The following AFF3 variants were observed in gnomAD, a reference collection of about 807,000 sequenced individuals.
AFF3 encodes ALF transcription elongation factor 3.
In AFF3, 32 loss-of-function variants were observed where a neutral mutation model predicts 129.7. The ratio of observed to expected loss-of-function variants is 0.25; its 90% confidence interval spans 0.19 to 0.33. The LOEUF is 0.33. Ranked by LOEUF, AFF3 falls within the 10% of genes least tolerant of loss-of-function variation. The pLI, the probability that AFF3 is intolerant of heterozygous loss-of-function variation, is 1.00. For missense variants in AFF3, 1,373 were observed against 1,592.0 expected, an observed-to-expected ratio of 0.86 and a Z score of 2.34; for synonymous variants, 644 against 635.4, an observed-to-expected ratio of 1.01 and a Z score of -0.20.
chr2:99,772,663 TAGC>T (rs1392465093), intron 8 of AFF3, among the ~76,000 whole-genome samples: 1 of 152,234 alleles, frequency 6.6e-6, no homozygotes. Context: ...TGGCTAAGCC[TAGC>T]ACCACTTTTA....
chr2:100,033,328 G>GA (rs1367530420), intron 4 of AFF3, among the ~76,000 whole-genome samples: 1 of 152,142 alleles, frequency 6.6e-6, no homozygotes, highest in Non-Finnish European at 1.5e-5. Context: ...CATTAAAAGA[G>GA]AAAGATTTGA....
rs10190714 is a variant in AFF3, at chr2:99,998,399, G to A, written c.873+8233C>T. ...GGGGTTTCAGCATGTAGCAGCATGAGCCTCAGCAGGGATGCCACAGAGAGC... is the reference window on the plus strand; with the variant it reads ...GGGGTTTCAGCATGTAGCAGCATGAACCTCAGCAGGGATGCCACAGAGAGC... On this transcript the variant is annotated intron_variant, in intron 7 of 24. Coordinates refer to ENST00000672756, the MANE Select transcript of AFF3 (RefSeq NM_001386135.1). Among the ~76,000 whole-genome samples the A allele has an allele frequency of 1.2e-3, 178 of 152,230 alleles. 1 individual carries two copies. Among genetic ancestry groups the A allele is most frequent in the African/African-American group, 4.2e-3 (173 of 41,550 alleles).
chr2:99,932,101 A>G (rs1046324501), intron 7 of AFF3, among the ~76,000 whole-genome samples: 1 of 152,248 alleles, frequency 6.6e-6, no homozygotes, highest in African/African-American at 2.4e-5. Flanking sequence ...GGTATAGATC[A>G]AGCTTGTCCA....
chr2:99,578,577 T>C (rs898205678), intron 17 of AFF3, 126 bp from the exon 18 acceptor site: 195 of 1,396,228 alleles, frequency 1.4e-4, no homozygotes, highest in Admixed American at 5.8e-4. Flanking sequence ...GTATTAGAAT[T>C]GATGGTGATT....
chr2:99,970,107 A>G (rs1427385801), intron 7 of AFF3, among the ~76,000 whole-genome samples: 1 of 152,174 alleles, frequency 6.6e-6, no homozygotes, highest in Non-Finnish European at 1.5e-5. Flanking sequence ...TAAGGGATAA[A>G]GGAAGAAAAT....
chr2:100,048,175 T>C (rs1225741961), intron 4 of AFF3, among the ~76,000 whole-genome samples: 1 of 152,234 alleles, frequency 6.6e-6, no homozygotes, highest in South Asian at 2.1e-4. Flanking sequence ...GTAACAAAGA[T>C]AATGCCGTGA....
chr2:99,803,194 T>G lies in AFF3; in HGVS notation c.921+34283A>C, dbSNP rs553694691. Among the ~76,000 whole-genome samples, 35 of 152,332 alleles carry G rather than the reference T, an allele frequency of 2.3e-4. 1 individual carries two copies. The highest frequency in any genetic ancestry group is 1.8e-3 in the Admixed American group (28 of 15,306). ...GATTTTATCACATGCTTATTCTGTT[T>G]CTATTATCATATGGTTTTTGTTTAT... is the stretch of plus-strand genomic sequence containing the variant. On this transcript the variant is annotated intron_variant, in intron 8 of 24. Transcript: ENST00000672756.
chr2:99,623,584 C>T (rs1478903091), intron 13 of AFF3, among the ~76,000 whole-genome samples: 1 of 152,216 alleles, frequency 6.6e-6, no homozygotes, highest in Non-Finnish European at 1.5e-5. Flanking sequence ...GCCCAACCGA[C>T]ACGGGAGAGA....
At chr2:99,645,587 C>A (rs1684624961) in intron 13 of AFF3, among the ~76,000 whole-genome samples, 1 of 152,132 alleles carries the variant, frequency 6.6e-6, no homozygotes, top group African/African-American at 2.4e-5. Context: ...GAAGCCCAAA[C>A]TCCCCTTCTG....
intron 7 of AFF3, among the ~76,000 whole-genome samples, chr2:100,001,682 T>C (rs1180628940): frequency 6.8e-6 from 1 of 148,144 alleles, no homozygotes; most frequent in Non-Finnish European, 1.5e-5. Context: ...CGCCTTGGCC[T>C]CCCAAAGTGC....
chr2:99,626,794 G>A (rs965185053), intron 13 of AFF3, among the ~76,000 whole-genome samples: 5 of 152,058 alleles, frequency 3.3e-5, no homozygotes, highest in Non-Finnish European at 5.9e-5. Flanking sequence ...TGTTTTCATC[G>A]TTTAGCTTTC....
chr2:99,653,373 C>A (rs369753249), intron 12 of AFF3, among the ~76,000 whole-genome samples: 21 of 152,144 alleles, frequency 1.4e-4, no homozygotes, highest in African/African-American at 4.6e-4. Context: ...CTGAATTTCT[C>A]CCTAGTCATG....
At chr2:100,030,420 A>G (rs1684401155) in intron 4 of AFF3, among the ~76,000 whole-genome samples, 1 of 152,216 alleles carries the variant, frequency 6.6e-6, no homozygotes, top group African/African-American at 2.4e-5. Context: ...CTGGAATATA[A>G]GCAGCTGGAT....
At chr2:99,869,397 T>C (rs1691688860) in intron 7 of AFF3, among the ~76,000 whole-genome samples, 1 of 149,536 alleles carries the variant, frequency 6.7e-6, no homozygotes, top group Non-Finnish European at 1.5e-5. Context: ...CAGCACCTTC[T>C]ATGCCCATGT....
At chr2:100,064,121 A>T (rs1193313337) in intron 4 of AFF3, among the ~76,000 whole-genome samples, 1 of 134,338 alleles carries the variant, frequency 7.4e-6, no homozygotes. Context: ...AAAAGAAAAG[A>T]AAAGAAAAGA....
At chr2:99,861,552 T>C (rs1691001293) in intron 7 of AFF3, among the ~76,000 whole-genome samples, 1 of 152,238 alleles carries the variant, frequency 6.6e-6, no homozygotes, top group African/African-American at 2.4e-5. Context: ...GTTGTTATCA[T>C]TCTTCTGAAA....
chr2:99,674,238 G>A (rs1224026995), intron 11 of AFF3, among the ~76,000 whole-genome samples: 1 of 152,180 alleles, frequency 6.6e-6, no homozygotes, highest in African/African-American at 2.4e-5. Flanking sequence ...CTGCATGTCT[G>A]GCACGCCATT....
chr2:99,767,348 G>T (rs914378935), intron 8 of AFF3, among the ~76,000 whole-genome samples: 4 of 152,206 alleles, frequency 2.6e-5, no homozygotes, highest in African/African-American at 9.7e-5. Context: ...GCATGAGAAG[G>T]GCATGGATTC....
At chr2:99,924,858 C>A (rs941723134) in intron 7 of AFF3, among the ~76,000 whole-genome samples, 17 of 151,542 alleles carry the variant, frequency 1.1e-4, no homozygotes, top group African/African-American at 3.6e-4. Flanking sequence ...TGTCCATACA[C>A]ACCAAAAATG....
Sources: allele counts gnomAD v4.1 joint callset (sites outside exome capture counted in the v4.1 genomes callset), GRCh38; gene constraint gnomAD v4.1.1; transcripts MANE v1.5; gene names NCBI Gene and HGNC (gene_info 2026-07-23, HGNC 2026-07-21).